The following DENND10 variants were observed in gnomAD, a reference collection of about 807,000 sequenced individuals.
DENND10 encodes the protein DENN domain-containing protein 10.
In DENND10, 24 loss-of-function variants were observed where a neutral mutation model predicts 43.6. The ratio of observed to expected loss-of-function variants is 0.55; its 90% confidence interval spans 0.40 to 0.77. The LOEUF is 0.77. Among genes scored for constraint, DENND10 ranks in the 30% least tolerant of loss-of-function variants. The pLI, the probability that DENND10 is intolerant of heterozygous loss-of-function variation, is 0.00. For missense variants in DENND10, 303 were observed against 429.9 expected, an observed-to-expected ratio of 0.70 and a Z score of 2.61; for synonymous variants, 125 against 157.6, an observed-to-expected ratio of 0.79 and a Z score of 1.55.
At chr10:119,105,959 G>T (rs1844676645) in intron 1 of DENND10, among the ~76,000 whole-genome samples, 1 of 152,196 alleles carries the variant, frequency 6.6e-6, no homozygotes, top group South Asian at 2.1e-4. Flanking sequence ...ACTTTGGGAG[G>T]CTGAGGCAGG....
In DENND10 at chr10:119,129,604, A is replaced by G. The variant is rs752176319; in HGVS notation, c.784A>G (p.Ile262Val). ...GAATCTGGCAGAGAGTGAGATTACC[A>G]TTGCTCCCCTTGCAAAAGGTTTGTT... is the stretch of plus-strand genomic sequence containing the variant. ...FVNLAESEIT[I>V]APLAKEAMAM... is the part of the protein sequence containing the mutation. Residue 262 changes from isoleucine to valine, a missense_variant, in exon 7 of 9, where the codon ATT (isoleucine) becomes GTT (valine). By Grantham distance (29) the Ile-to-Val change is conservative. Coordinates refer to ENST00000361432, the MANE Select transcript of DENND10 (RefSeq NM_207009.4). 6.2e-7 allele frequency: 1 copy of G among 1,609,806 alleles called. No individual in the cohort carries two copies. Among genetic ancestry groups the G allele is most frequent in the Non-Finnish European group, 8.5e-7 (1 of 1,176,064 alleles).
chr10:119,109,216 C>CAAAAA lies in DENND10; in HGVS notation c.252+1064_252+1068dup, dbSNP rs56064617. ...AGGCAACAAGAGCGAAACTCCGTCT[C>CAAAAA]AAAAAAAAAAAAAAAAGAATTTAGA... On this transcript the variant is annotated intron_variant, in intron 2 of 8. Transcript: ENST00000361432. 3.9e-5 allele frequency among the ~76,000 whole-genome samples: 5 copies of CAAAAA among 129,184 alleles called. No individual in the cohort carries two copies. The East Asian group carries it at 9.1e-4, about 24-fold the overall frequency. The allele number at this position is 129,184 out of a possible 152,430, so 84.7% of individuals were successfully genotyped here. A position where few individuals can be genotyped will look rare whatever the true frequency, so the allele number is the denominator to read the frequency against.
chr10:119,124,993 C>T (rs754469447), intron 6 of DENND10, among the ~76,000 whole-genome samples: 29 of 151,404 alleles, frequency 1.9e-4, no homozygotes, highest in Non-Finnish European at 3.7e-4. Context: ...TTTCTTGGGA[C>T]GGAGTTTTGT....
Position 119,117,557 on chromosome 10 carries a change from A to C in DENND10, c.371A>C (p.Glu124Ala). 6.2e-7 allele frequency: 1 copy of C among 1,613,506 alleles called. No individual in the cohort carries two copies. Among genetic ancestry groups the C allele is most frequent in the Non-Finnish European group, 8.5e-7 (1 of 1,179,680 alleles). The change falls in exon 4 of 9, where the codon GAG becomes GCG. Residue 124 changes from glutamate to alanine, a missense_variant. Glu to Ala is a moderately radical substitution (Grantham distance 107, BLOSUM62 -1). Transcript: ENST00000361432. The part of the protein sequence containing the change: ...LKHGSPVKMM[E>A]SYIAVLTKGI... Reference sequence around the variant, plus strand: ...CATGGGAGCCCAGTTAAAATGATGGAGAGTTATATTGCAGTTCTCACAAAG... The same window carrying C: ...CATGGGAGCCCAGTTAAAATGATGGCGAGTTATATTGCAGTTCTCACAAAG...
At chr10:119,126,902 CTTT>C (rs1312302019) in intron 6 of DENND10, among the ~76,000 whole-genome samples, 4 of 137,452 alleles carry the variant, frequency 2.9e-5, no homozygotes, top group African/African-American at 2.7e-5. Flanking sequence ...TTTTTCTTTT[CTTT>C]TTTTTTTTTT....
At chr10:119,136,393 A>C (rs551813776) in intron 8 of DENND10, 78 bp from the exon 9 acceptor site, 2 of 1,506,652 alleles carry the variant, frequency 1.3e-6, no homozygotes, top group Admixed American at 4.4e-5. Flanking sequence ...GTCTGGAAAA[A>C]ATAGGAAGAA....
rs75277104 is a variant in DENND10, at chr10:119,104,196, C to A, written c.54C>A (p.Ile18=). ...DTQLMLGVGL[I]EKDTNGEVLW... ...AGCTGATGCTTGGAGTCGGGCTGAT[C>A]GGTGAGGACGTAGGCGCCCTGCCTG... The change falls in exon 1 of 9, where the codon ATC becomes ATA. Residue 18 remains isoleucine, a splice_region_variant and synonymous_variant. Transcript: ENST00000361432. 5 of 1,519,906 alleles carry A rather than the reference C, an allele frequency of 3.3e-6. No homozygotes were observed. The highest frequency in any genetic ancestry group is 4.4e-6 in the Non-Finnish European group (5 of 1,135,452). 94.2% of individuals were successfully genotyped at this position (1,519,906 alleles called of 1,614,324 possible).
At position 119,132,656 on chromosome 10, in the gene DENND10, G is replaced by A. The variant is rs1036278512; in HGVS notation, c.897+47G>A. 2.7e-5 allele frequency: 40 copies of A among 1,462,122 alleles called. No individual in the cohort carries two copies. The highest frequency in any genetic ancestry group is 1.0e-4 in the Admixed American group (6 of 59,776). The allele number at this position is 1,462,122 out of a possible 1,614,324, so 90.6% of individuals were successfully genotyped here. A position where few individuals can be genotyped will look rare whatever the true frequency, so the allele number is the denominator to read the frequency against. On this transcript the variant is annotated intron_variant, in intron 8 of 8. Coordinates refer to ENST00000361432, the MANE Select transcript of DENND10 (RefSeq NM_207009.4). The surrounding 1 kb of genome is among the most constrained non-coding windows in gnomAD (Gnocchi z 4.2). ...TTACTGAAAGTCCTGACCCGGTGTC[G>A]CTGGGTGGTGTGCGGCAGAGCTGTG...
At chr10:119,109,359 C>T (rs1844866015) in intron 2 of DENND10, among the ~76,000 whole-genome samples, 1 of 152,038 alleles carries the variant, frequency 6.6e-6, no homozygotes, top group African/African-American at 2.4e-5. Context: ...TTCCTAATCC[C>T]AAGCAACCAG....
In DENND10 at chr10:119,117,557, A is replaced by G; in HGVS notation, c.371A>G (p.Glu124Gly). 1 of 1,613,506 alleles carries G rather than the reference A, an allele frequency of 6.2e-7. No individual in the cohort carries two copies. Among genetic ancestry groups the G allele is most frequent in the Non-Finnish European group, 8.5e-7 (1 of 1,179,680 alleles). The change falls in exon 4 of 9, where the codon GAG becomes GGG. Residue 124 changes from glutamate (E) to glycine (G), a missense_variant. Transcript: ENST00000361432. ...CATGGGAGCCCAGTTAAAATGATGG[A>G]GAGTTATATTGCAGTTCTCACAAAG... Reference protein sequence around the residue: ...LKHGSPVKMMESYIAVLTKGI... With the variant: ...LKHGSPVKMMGSYIAVLTKGI...
intron 2 of DENND10, among the ~76,000 whole-genome samples, chr10:119,109,795 T>C (rs536804843): frequency 1.6e-4 from 25 of 152,106 alleles, no homozygotes; most frequent in African/African-American, 5.3e-4. Flanking sequence ...ATTTTCTTTT[T>C]TTTTTTTTAA....
chr10:119,135,791 T>TAAAAAAAA lies in DENND10; in HGVS notation c.898-662_898-655dup, dbSNP rs367836571. ...TACACTCAGAAAATGACTAAAATTG[T>TAAAAAAAA]AAAAAAAAAAAAAAAAAAAAAAAAA... On this transcript the variant is annotated intron_variant, in intron 8 of 8. Transcript: ENST00000361432. 4.6e-3 allele frequency among the ~76,000 whole-genome samples: 294 copies of TAAAAAAAA among 63,976 alleles called. 8 individuals are homozygous for TAAAAAAAA. The highest frequency in any genetic ancestry group is 0.014 in the South Asian group (17 of 1,180). The allele number at this position is 63,976 out of a possible 152,430, so 42.0% of individuals were successfully genotyped here. A position where few individuals can be genotyped will look rare whatever the true frequency, so the allele number is the denominator to read the frequency against.
chr10:119,109,108 C>T (rs939346528), intron 2 of DENND10, among the ~76,000 whole-genome samples: 1 of 148,496 alleles, frequency 6.7e-6, no homozygotes, highest in Non-Finnish European at 1.5e-5. Flanking sequence ...CCCAGCTACT[C>T]GGGAGGCTGC....
intron 2 of DENND10, among the ~76,000 whole-genome samples, chr10:119,108,846 G>A (rs1046774544): frequency 6.1e-4 from 92 of 151,686 alleles, no homozygotes; most frequent in African/African-American, 2.2e-3. Context: ...AGTAGAGACA[G>A]GTTTTACCAT....
chr10:119,120,957 T>C (rs1442537888), intron 5 of DENND10, among the ~76,000 whole-genome samples: 1 of 152,106 alleles, frequency 6.6e-6, no homozygotes, highest in Non-Finnish European at 1.5e-5. Flanking sequence ...CTTACTTTGA[T>C]AGTACATATA....
intron 8 of DENND10, among the ~76,000 whole-genome samples, chr10:119,136,208 T>C (rs1846352512): frequency 6.6e-6 from 1 of 150,852 alleles, no homozygotes; most frequent in Admixed American, 6.6e-5. Context: ...GAGTTATCTT[T>C]TTTGTTGTTC....
intron 5 of DENND10, among the ~76,000 whole-genome samples, chr10:119,121,321 G>A (rs903997451): frequency 1.3e-5 from 2 of 150,440 alleles, no homozygotes; most frequent in South Asian, 2.1e-4. Context: ...ATTTTTTGTC[G>A]AGATGGGGTT....
chr10:119,135,791 T>TAAAAAAAAAAAAAAAAAAAA lies in DENND10; in HGVS notation c.898-674_898-655dup, dbSNP rs367836571. ...TACACTCAGAAAATGACTAAAATTG[T>TAAAAAAAAAAAAAAAAAAAA]AAAAAAAAAAAAAAAAAAAAAAAAA... On this transcript the variant is annotated intron_variant, in intron 8 of 8. Transcript: ENST00000361432. Among the ~76,000 whole-genome samples the TAAAAAAAAAAAAAAAAAAAA allele has an allele frequency of 2.5e-3, 157 of 64,000 alleles. 8 individuals carry two copies. The highest frequency in any genetic ancestry group is 3.2e-3 in the Non-Finnish European group (115 of 36,004). 42.0% of individuals were successfully genotyped at this position (64,000 alleles called of 152,430 possible).
At chr10:119,119,427 C>T (rs1157514207) in intron 4 of DENND10, among the ~76,000 whole-genome samples, 1 of 151,938 alleles carries the variant, frequency 6.6e-6, no homozygotes, top group Non-Finnish European at 1.5e-5. Context: ...CAGGTGTGAA[C>T]CACTGTGCCC....
Sources: gnomAD v4.1 joint callset for allele counts (sites outside exome capture counted in the v4.1 genomes callset) on GRCh38, gnomAD v4.1.1 for gene constraint, Gnocchi (gnomAD v3.1) non-coding constraint, MANE v1.5 for transcripts, NCBI Gene and HGNC (gene_info 2026-07-23, HGNC 2026-07-21) for gene names.